PYROXD2: variants seen among roughly 807,000 people sequenced by gnomAD.
PYROXD2 encodes the protein pyridine nucleotide-disulfide oxidoreductase domain-containing protein 2.
Under a neutral mutation model 71.1 loss-of-function variants are expected in PYROXD2, and 69 were observed. That is an observed-to-expected ratio of 0.97 (90% CI 0.80 to 1.19). The LOEUF is 1.19. Ranked by LOEUF, PYROXD2 falls within the 50% of genes most tolerant of loss-of-function variation. PYROXD2 has a pLI of 0.00. For synonymous variants in PYROXD2, 287 were observed against 302.7 expected, an observed-to-expected ratio of 0.95 and a Z score of 0.54; for missense variants, 745 against 748.9, an observed-to-expected ratio of 0.99 and a Z score of 0.06.
Position 98,415,012 on chromosome 10 carries a change from C to G in PYROXD2, c.124G>C (p.Ala42Pro), listed in dbSNP as rs779796674. Residue 42 changes from alanine to proline, a missense_variant, in exon 1 of 16, where the codon GCA (alanine) becomes CCA (proline). Physicochemically the swap from Ala to Pro is conservative, Grantham distance 27 (BLOSUM62 -1). Coordinates refer to ENST00000370575, the MANE Select transcript of PYROXD2 (RefSeq NM_032709.3). ...KPEYDAVVIG[A>P]GHNGLVAAAY... ...CCGGCCTGCTTTACCACTTTACCTGCTCCTATCACCACCGCATCATACTCA... is the reference window on the plus strand; with the variant it reads ...CCGGCCTGCTTTACCACTTTACCTGGTCCTATCACCACCGCATCATACTCA... 1.9e-6 allele frequency: 3 copies of G among 1,613,210 alleles called. No individual in the cohort carries two copies. Among genetic ancestry groups the G allele is most frequent in the Non-Finnish European group, 2.5e-6 (3 of 1,179,646 alleles).
intron 6 of PYROXD2, among the ~76,000 whole-genome samples, chr10:98,395,753 T>G (rs1390150665): frequency 6.6e-6 from 1 of 152,254 alleles, no homozygotes; most frequent in Non-Finnish European, 1.5e-5. Context: ...TGCAAGTTCA[T>G]GGGTACTTAA....
chr10:98,383,642 C>T lies in PYROXD2; in HGVS notation c.*156G>A, dbSNP rs1372461285. On this transcript the variant is annotated 3_prime_UTR_variant, in exon 16 of 16. Transcript: ENST00000370575. ...GGCATGGGCATAAGGTCAACTTGCA[C>T]TAAATGTAACTCGTACGTTTTTTCT... 3 of 703,496 alleles carry T rather than the reference C, an allele frequency of 4.3e-6. No individual in the cohort carries two copies. Among genetic ancestry groups the T allele is most frequent in the Non-Finnish European group, 7.7e-6 (3 of 387,722 alleles). The allele number at this position is 703,496 out of a possible 1,614,324, so 43.6% of individuals were successfully genotyped here.
chr10:98,413,190 C>T (rs1354897424), intron 1 of PYROXD2, among the ~76,000 whole-genome samples: 1 of 152,108 alleles, frequency 6.6e-6, no homozygotes, highest in Non-Finnish European at 1.5e-5. Flanking sequence ...ATCTTGGTAA[C>T]AGAAAAGGCT....
chr10:98,390,661 C>G lies in PYROXD2; in HGVS notation c.1229G>C (p.Cys410Ser). The G allele has an allele frequency of 6.2e-7, 1 of 1,612,608 alleles. No homozygotes were observed. The highest frequency in any genetic ancestry group is 8.5e-7 in the Non-Finnish European group (1 of 1,179,188). ...PHHQCSIHLN[C>S]EDTLLLHQAF... ...CTGATGAAGGAGGAGGGTGTCTTCA[C>G]AGTTCAGGTGGATGGAGCATTGGTG... The change falls in exon 12 of 16, where the codon TGT becomes TCT. Residue 410 changes from cysteine to serine, a missense_variant. Cys to Ser is a moderately radical substitution (Grantham distance 112). Transcript: ENST00000370575.
At chr10:98,386,390 A>G (rs888537052) in intron 14 of PYROXD2, among the ~76,000 whole-genome samples, 1 of 151,560 alleles carries the variant, frequency 6.6e-6, no homozygotes, top group Non-Finnish European at 1.5e-5. Flanking sequence ...ACTAATGTCA[A>G]TAATATATTT....
intron 12 of PYROXD2, among the ~76,000 whole-genome samples, chr10:98,389,342 C>T (rs1276349718): frequency 6.6e-6 from 1 of 152,206 alleles, no homozygotes; most frequent in Non-Finnish European, 1.5e-5. Context: ...ACTTCCCCTG[C>T]CCCCACCCTT....
chr10:98,405,005 G>A (rs551305606), intron 4 of PYROXD2, among the ~76,000 whole-genome samples: 2 of 152,318 alleles, frequency 1.3e-5, no homozygotes, highest in African/African-American at 4.8e-5. Flanking sequence ...AGGGAGGGGA[G>A]GGAGGATGGG....
At position 98,392,420 on chromosome 10, in the gene PYROXD2, C is replaced by T. The variant is rs41290480; in HGVS notation, c.1062+12G>A. 87,265 of 1,612,538 alleles carry T rather than the reference C, an allele frequency of 0.054. 2,611 individuals are homozygous for T. The highest frequency in any genetic ancestry group is 0.11 in the East Asian group (4,800 of 44,860). On this transcript the variant is annotated intron_variant, in intron 10 of 15. Transcript: ENST00000370575. ...AGACATCTAAGCTCCACCCTCCTGC[C>T]CACAGCCTCACCTGTGGCGTCAGCT...
At chr10:98,401,672 T>A (rs1229698294) in intron 4 of PYROXD2, among the ~76,000 whole-genome samples, 2 of 152,208 alleles carry the variant, frequency 1.3e-5, no homozygotes, top group African/African-American at 4.8e-5. Flanking sequence ...TTATTTTTAT[T>A]TTTTACTTTA....
chr10:98,385,854 T>C (rs1210349760), intron 14 of PYROXD2, among the ~76,000 whole-genome samples: 28 of 152,230 alleles, frequency 1.8e-4, no homozygotes, highest in Admixed American at 1.8e-3. Context: ...CCATGCCTGC[T>C]GTACCCAGCC....
chr10:98,391,050 G>T lies in PYROXD2; in HGVS notation c.1095C>A (p.Ile365=), dbSNP rs145679908. 135 of 1,613,254 alleles carry T rather than the reference G, an allele frequency of 8.4e-5. No homozygotes were observed. Among genetic ancestry groups the T allele is most frequent in the Non-Finnish European group, 1.1e-4 (130 of 1,179,460 alleles). ...CAGGCGACCGGGTGTCCAGCTGAGA[G>T]ATTCTCTCCAGGAACTCCTCAGGAA... ...EWLPEEFLER[I]SQLDTRSPVT... The change falls in exon 11 of 16, where the codon ATC becomes ATA. Residue 365 remains isoleucine (I), a synonymous_variant. Transcript: ENST00000370575.
rs140685973 is a variant in PYROXD2, at chr10:98,388,400, T to C, written c.1401A>G (p.Gly467=). Reference sequence around the variant, plus strand: ...TCTCCTGCTCGTCCCAGGCCTTGCCTCCAGCCAGCGTATAGGGCATGTACT... The same window carrying C: ...TCTCCTGCTCGTCCCAGGCCTTGCCCCCAGCCAGCGTATAGGGCATGTACT... ...FTQYMPYTLA[G]GKAWDEQERD... Residue 467 remains glycine, a synonymous_variant, in exon 13 of 16, where the codon GGA becomes GGG. Coordinates refer to ENST00000370575, the MANE Select transcript of PYROXD2 (RefSeq NM_032709.3). 4,738 of 1,613,644 alleles carry C rather than the reference T, an allele frequency of 2.9e-3. 15 individuals carry two copies. The highest frequency in any genetic ancestry group is 3.6e-3 in the Non-Finnish European group (4,222 of 1,179,896).
chr10:98,389,733 C>G (rs1260907115), intron 12 of PYROXD2, among the ~76,000 whole-genome samples: 3 of 152,184 alleles, frequency 2.0e-5, no homozygotes, highest in South Asian at 4.1e-4. Flanking sequence ...AGCCTTTCCT[C>G]CCCTTCCCTG....
Position 98,383,740 on chromosome 10 carries a change from A to G in PYROXD2, c.*58T>C. ...CTGAACTTCCTGGGAAGCTGATCCA[A>G]TGGAGCACTTGGAATTCAGGGGTGG... On this transcript the variant is annotated 3_prime_UTR_variant, in exon 16 of 16. Coordinates refer to ENST00000370575, the MANE Select transcript of PYROXD2 (RefSeq NM_032709.3). 6.8e-7 allele frequency: 1 copy of G among 1,466,130 alleles called. No individual in the cohort carries two copies. The highest frequency in any genetic ancestry group is 9.6e-7 in the Non-Finnish European group (1 of 1,044,868). The allele number at this position is 1,466,130 out of a possible 1,614,324, so 90.8% of individuals were successfully genotyped here.
intron 4 of PYROXD2, among the ~76,000 whole-genome samples, chr10:98,405,586 A>G (rs996476422): frequency 6.6e-6 from 1 of 152,210 alleles, no homozygotes; most frequent in Non-Finnish European, 1.5e-5. Context: ...TGAGGAAAAG[A>G]AGGCACCACG....
intron 8 of PYROXD2, 137 bp from the exon 9 acceptor site, chr10:98,393,220 G>A: frequency 1.5e-6 from 1 of 672,960 alleles, no homozygotes; most frequent in Non-Finnish European, 2.5e-6. Context: ...AGCCTTCAAT[G>A]AGCTCAAGTT....
Position 98,410,979 on chromosome 10 carries a change from GA to G in PYROXD2, c.128-22del, listed in dbSNP as rs556042376. The stretch of plus-strand genomic sequence containing the variant: ...GTGTCCTGCAACAAAACGGGACAGG[GA>G]AGGAAAACATCACTGGTCAGCGGGC... On this transcript the variant is annotated intron_variant, in intron 1 of 15. Transcript: ENST00000370575. The G allele has an allele frequency of 1.1e-4, 168 of 1,560,056 alleles. 4 individuals carry two copies. The South Asian group carries it at 1.9e-3, about 18-fold the overall frequency.
In PYROXD2 at chr10:98,400,083, C is replaced by A; in HGVS notation, c.471+19G>T. On this transcript the variant is annotated intron_variant, in intron 5 of 15. Coordinates refer to ENST00000370575, the MANE Select transcript of PYROXD2 (RefSeq NM_032709.3). ...GCTGCTGAGGGAGCAGGAGCTCAGTCACTGGTCGCCTTCCCTACCTGGGCA... is the reference window on the plus strand; with the variant it reads ...GCTGCTGAGGGAGCAGGAGCTCAGTAACTGGTCGCCTTCCCTACCTGGGCA... 6.2e-7 allele frequency: 1 copy of A among 1,609,854 alleles called. No individual in the cohort carries two copies. Among genetic ancestry groups the A allele is most frequent in the South Asian group, 1.1e-5 (1 of 90,352 alleles).
chr10:98,410,799 G>A (rs1027009547), intron 2 of PYROXD2, 140 bp downstream of exon 2: 1 of 1,287,916 alleles, frequency 7.8e-7, no homozygotes, highest in African/African-American at 1.5e-5. Context: ...CAGCACTGGA[G>A]AGCAGAGAGC....
Sources: gnomAD v4.1 joint callset for allele counts (sites outside exome capture counted in the v4.1 genomes callset) on GRCh38, gnomAD v4.1.1 for gene constraint, MANE v1.5 for transcripts, NCBI Gene and HGNC (gene_info 2026-07-23, HGNC 2026-07-21) for gene names.